ANTXR1: variants seen among roughly 807,000 people sequenced by gnomAD.
ANTXR1 encodes ANTXR cell adhesion molecule 1, also known as anthrax toxin receptor 1.
A neutral mutation model predicts 78.1 loss-of-function variants in ANTXR1; 19 were observed. That is an observed-to-expected ratio of 0.24 (90% CI 0.17 to 0.36). The LOEUF (loss-of-function observed/expected upper bound fraction) is 0.36, where lower values mean the gene tolerates loss of function less well. ANTXR1 is among the 10% of genes least tolerant of loss of function. The pLI, the probability that ANTXR1 is intolerant of heterozygous loss-of-function variation, is 1.00. For missense variants in ANTXR1, 518 were observed against 718.6 expected, an observed-to-expected ratio of 0.72 and a Z score of 3.19; for synonymous variants, 273 against 260.5, an observed-to-expected ratio of 1.05 and a Z score of -0.46.
intron 3 of ANTXR1, among the ~76,000 whole-genome samples, chr2:69,069,836 A>G (rs1377429886): frequency 2.0e-5 from 3 of 152,178 alleles, no homozygotes; most frequent in African/African-American, 4.8e-5. Context: ...GTACCACTAA[A>G]AAGACCCCAG....
rs1289063402 is a variant in ANTXR1, at chr2:69,170,326, G to A, written c.1089+37G>A. The A allele has an allele frequency of 4.3e-6, 7 of 1,613,018 alleles. No homozygotes were observed. The East Asian group carries it at 1.1e-4, about 26-fold the overall frequency. On this transcript the variant is annotated intron_variant, in intron 14 of 17. Transcript: ENST00000303714. ...CAGCAGGATGGCAGTGGGTGGGCAG[G>A]GTGGCAGAGTAGGGTGGAGAGCTGG...
chr2:69,171,639 C>T (rs570404557), intron 14 of ANTXR1, among the ~76,000 whole-genome samples: 9 of 152,286 alleles, frequency 5.9e-5, no homozygotes, highest in East Asian at 3.9e-4. Context: ...TAGAAGGTGA[C>T]GTGGCAGCCA....
chr2:69,038,978 C>G (rs940801063), intron 1 of ANTXR1, among the ~76,000 whole-genome samples: 1 of 152,220 alleles, frequency 6.6e-6, no homozygotes, highest in African/African-American at 2.4e-5. Context: ...AAAGGAAAAA[C>G]AGCAACAAAT....
intron 10 of ANTXR1, among the ~76,000 whole-genome samples, chr2:69,108,492 C>T (rs774311883): frequency 2.0e-5 from 3 of 152,180 alleles, no homozygotes; most frequent in African/African-American, 4.8e-5. Context: ...TTAAGTTCAG[C>T]GGGACAAGTG....
chr2:69,216,610 A>C (rs1417223660), intron 17 of ANTXR1, among the ~76,000 whole-genome samples: 1 of 152,138 alleles, frequency 6.6e-6, no homozygotes, highest in East Asian at 1.9e-4. Flanking sequence ...ATCCTCACCC[A>C]TCACCATGTC....
At chr2:69,229,456 C>T (rs1675536019) in intron 17 of ANTXR1, among the ~76,000 whole-genome samples, 1 of 152,136 alleles carries the variant, frequency 6.6e-6, no homozygotes, top group Non-Finnish European at 1.5e-5. Flanking sequence ...TTTACATTTT[C>T]ACATCCAAGC....
chr2:69,163,623 A>G (rs1558613090), intron 13 of ANTXR1, among the ~76,000 whole-genome samples: 1 of 152,110 alleles, frequency 6.6e-6, no homozygotes, highest in Non-Finnish European at 1.5e-5. Context: ...CATTTTTCGA[A>G]CCAGGACACA....
chr2:69,145,874 A>G (rs1430172554), intron 12 of ANTXR1: 12 of 985,978 alleles, frequency 1.2e-5, no homozygotes, highest in Non-Finnish European at 1.4e-5. Flanking sequence ...GCCATGCATT[A>G]AAAATCCAAA....
intron 16 of ANTXR1, among the ~76,000 whole-genome samples, chr2:69,187,759 T>G (rs535314836): frequency 6.6e-6 from 1 of 151,598 alleles, no homozygotes; most frequent in Admixed American, 6.6e-5. Flanking sequence ...AGCTAATTTT[T>G]GTATTTTTTT....
At chr2:69,157,493 C>A (rs1429274036) in intron 13 of ANTXR1, among the ~76,000 whole-genome samples, 1 of 152,014 alleles carries the variant, frequency 6.6e-6, no homozygotes, top group African/African-American at 2.4e-5. Context: ...CACGTTACCC[C>A]CTAAACCTGC....
intron 10 of ANTXR1, among the ~76,000 whole-genome samples, chr2:69,114,639 A>G (rs897245276): frequency 5.3e-5 from 8 of 152,170 alleles, no homozygotes; most frequent in Admixed American, 1.3e-4. Flanking sequence ...CTGACTCTAC[A>G]GCACCCCCAT....
chr2:69,044,932 T>C, intron 3 of ANTXR1, 119 bp downstream of exon 3: 3 of 1,010,268 alleles, frequency 3.0e-6, no homozygotes, highest in South Asian at 1.3e-5. Context: ...GTTCCTTCTT[T>C]TACCCTAAGT....
chr2:69,142,222 A>G (rs1356625148), intron 12 of ANTXR1, among the ~76,000 whole-genome samples: 6 of 152,214 alleles, frequency 3.9e-5, no homozygotes. Flanking sequence ...TTGAGCAGCC[A>G]CAGGAAACGT....
At chr2:69,161,866 G>T (rs1470920849) in intron 13 of ANTXR1, among the ~76,000 whole-genome samples, 2 of 152,078 alleles carry the variant, frequency 1.3e-5, no homozygotes, top group Non-Finnish European at 2.9e-5. Context: ...AAAGGCCAGG[G>T]GGGCAGCAGT....
chr2:69,169,030 G>A (rs543669091), intron 13 of ANTXR1, among the ~76,000 whole-genome samples: 5 of 152,244 alleles, frequency 3.3e-5, no homozygotes, highest in Admixed American at 6.5e-5. Flanking sequence ...TGGTAGGGTG[G>A]GTAACAGCGT....
At chr2:69,049,575 G>A (rs1260066390) in intron 3 of ANTXR1, among the ~76,000 whole-genome samples, 1 of 152,162 alleles carries the variant, frequency 6.6e-6, no homozygotes, top group Non-Finnish European at 1.5e-5. Context: ...CTTCCAAAGT[G>A]CTGGGATTAC....
chr2:69,203,747 A>G (rs1205228903), intron 17 of ANTXR1, among the ~76,000 whole-genome samples: 1 of 143,058 alleles, frequency 7.0e-6, no homozygotes, highest in African/African-American at 3.0e-5. Context: ...CCTCCTCCTT[A>G]TTATCACCAT....
At chr2:69,093,751 G>A (rs530674934) in intron 9 of ANTXR1, among the ~76,000 whole-genome samples, 5 of 152,208 alleles carry the variant, frequency 3.3e-5, no homozygotes, top group African/African-American at 7.2e-5. Context: ...TCCAATCTAA[G>A]GAATCTTTCT....
chr2:69,236,837 T>A (rs1047981751), intron 17 of ANTXR1, among the ~76,000 whole-genome samples: 1 of 152,194 alleles, frequency 6.6e-6, no homozygotes, highest in Admixed American at 6.5e-5. Flanking sequence ...ATGGTCACAG[T>A]AAACTACTTT....
Sources: gnomAD v4.1 joint callset for allele counts (sites outside exome capture counted in the v4.1 genomes callset) on GRCh38, gnomAD v4.1.1 for gene constraint, MANE v1.5 for transcripts, NCBI Gene and HGNC (gene_info 2026-07-23, HGNC 2026-07-21) for gene names.